Variants in DENND3 observed in about 807,000 individuals in gnomAD.
The protein encoded by DENND3 is DENN domain-containing protein 3.
Under a neutral mutation model 135.1 loss-of-function variants are expected in DENND3, and 88 were observed. The ratio of observed to expected loss-of-function variants is 0.65; its 90% CI spans 0.55 to 0.78. The LOEUF (loss-of-function observed/expected upper bound fraction) is 0.78, where lower values mean the gene tolerates loss of function less well. DENND3 is among the 30% of genes least tolerant of loss of function. The pLI, the probability that DENND3 is intolerant of heterozygous loss-of-function variation, is 0.00. For synonymous variants in DENND3, 693 were observed against 712.3 expected, an observed-to-expected ratio of 0.97 and a Z score of 0.43; for missense variants, 1,392 against 1,688.4, an observed-to-expected ratio of 0.82 and a Z score of 3.08.
intron 18 of DENND3, among the ~76,000 whole-genome samples, chr8:141,188,110 C>T (rs1046889369): frequency 8.2e-6 from 1 of 122,382 alleles, no homozygotes; most frequent in African/African-American, 3.2e-5. Context: ...GCTGTAGTCC[C>T]GGCTACTCGG....
Position 141,128,701 on chromosome 8 carries a change from G to C in DENND3, c.-7G>C. 1 of 1,386,872 alleles carries C rather than the reference G, an allele frequency of 7.2e-7. No homozygotes were observed. Among genetic ancestry groups the C allele is most frequent in the South Asian group, 1.6e-5 (1 of 63,622 alleles). The allele number at this position is 1,386,872 out of a possible 1,614,324, so 85.9% of individuals were successfully genotyped here. On this transcript the variant is annotated 5_prime_UTR_variant, in exon 1 of 23. Transcript: ENST00000519811. The surrounding 1 kb of genome is among the most constrained non-coding windows in gnomAD (Gnocchi z 4.5). The stretch of plus-strand genomic sequence containing the variant: ...AGTGCGGTACTGGCGGCGGGCGGCG[G>C]GCAGCCATGGCGGAGGCCGCGTCGC...
In DENND3 at chr8:141,141,511, T is replaced by C; in HGVS notation, c.623+187T>C. 1 of 470,460 alleles carries C rather than the reference T, an allele frequency of 2.1e-6. No individual in the cohort carries two copies. 29.1% of individuals were successfully genotyped at this position (470,460 alleles called of 1,614,324 possible). A position where few individuals can be genotyped will look rare whatever the true frequency, so the allele number is the denominator to read the frequency against. ...TCTCTGTGCCTCTTAGGCTGTTGCT[T>C]AAGGCTGGGGGCAGTGGGCAGGGGG... On this transcript the variant is annotated intron_variant, in intron 4 of 22. Transcript: ENST00000519811. This position sits in a 1 kb window ranked among gnomAD's most constrained non-coding sequence, Gnocchi z 5.3.
In DENND3 at chr8:141,185,211, T is replaced by C; in HGVS notation, c.3017T>C (p.Val1006Ala). 2 of 1,614,120 alleles carry C rather than the reference T, an allele frequency of 1.2e-6. No individual in the cohort carries two copies. Among genetic ancestry groups the C allele is most frequent in the Non-Finnish European group, 1.7e-6 (2 of 1,180,050 alleles). The change falls in exon 18 of 23, where the codon GTG (valine) becomes GCG (alanine). Residue 1006 changes from valine to alanine, a missense_variant. Coordinates refer to ENST00000519811, the MANE Select transcript of DENND3 (RefSeq NM_001352890.3). ...KLWCALSEGK[V>A]TVFNASSWTI... The stretch of plus-strand genomic sequence containing the variant: ...TGGTGTGCTCTGAGCGAAGGCAAGG[T>C]GACCGTGTTCAATGCTTCTTCATGG...
At chr8:141,193,018 T>A (rs1589734000) in intron 22 of DENND3, 1 of 716,396 alleles carries the variant, frequency 1.4e-6, no homozygotes, top group Non-Finnish European at 1.9e-6. Context: ...GGCCCTTCTC[T>A]CCCCCACCCG....
At chr8:141,158,840 C>T (rs577239089) in intron 8 of DENND3, among the ~76,000 whole-genome samples, 146 of 152,278 alleles carry the variant, frequency 9.6e-4, no homozygotes, top group African/African-American at 3.2e-3. Flanking sequence ...ATGCTGGCTG[C>T]GTGCTTGGGT....
At chr8:141,192,216 C>T (rs1391061773) in intron 20 of DENND3, 115 bp from the exon 21 acceptor site, 35 of 1,433,002 alleles carry the variant, frequency 2.4e-5, no homozygotes, top group Middle Eastern at 2.3e-4. Context: ...CCAGGTGGCA[C>T]GTGGTGATCC....
rs1340804487 is a variant in DENND3 at position 141,195,127 on chromosome 8, CG to C, written c.*895del. 1 of 152,222 alleles carries C rather than the reference CG, an allele frequency of 6.6e-6. No homozygotes were observed. Among genetic ancestry groups the C allele is most frequent in the African/African-American group, 2.4e-5 (1 of 41,432 alleles). 9.4% of individuals were successfully genotyped at this position (152,222 alleles called of 1,614,324 possible). ...CGTGTGCACACTGCGTATGTGTACG[CG>C]CAGCATGCTATACTGAACTCAACAA... On this transcript the variant is annotated 3_prime_UTR_variant, in exon 23 of 23. Transcript: ENST00000519811.
chr8:141,144,021 T>G lies in DENND3; in HGVS notation c.624-127T>G, dbSNP rs1817760445. 5.3e-6 allele frequency: 4 copies of G among 759,540 alleles called. No individual in the cohort carries two copies. Among genetic ancestry groups the G allele is most frequent in the Non-Finnish European group, 8.2e-6 (4 of 486,420 alleles). 47.1% of individuals were successfully genotyped at this position (759,540 alleles called of 1,614,324 possible). Reference sequence around the variant, plus strand: ...ACCCAGCAGCTTGGTGACTTTGCTTTTGGTGAAAGGTCCTGGAGCTGCTGC... The same window carrying G: ...ACCCAGCAGCTTGGTGACTTTGCTTGTGGTGAAAGGTCCTGGAGCTGCTGC... On this transcript the variant is annotated intron_variant, in intron 4 of 22. Coordinates refer to ENST00000519811, the MANE Select transcript of DENND3 (RefSeq NM_001352890.3). This position sits in a 1 kb window ranked among gnomAD's most constrained non-coding sequence, Gnocchi z 4.4.
At chr8:141,151,034 G>T (rs539170203) in intron 6 of DENND3, 81 bp downstream of exon 6, 1 of 1,435,832 alleles carries the variant, frequency 7.0e-7, no homozygotes, top group South Asian at 1.6e-5. Context: ...AGATGATGAA[G>T]ATGCGAGTTT....
chr8:141,152,230 A>G (rs970061363), intron 7 of DENND3, among the ~76,000 whole-genome samples: 5 of 152,244 alleles, frequency 3.3e-5, no homozygotes, highest in African/African-American at 1.2e-4. Flanking sequence ...CAGGAGGTGG[A>G]CTGGGTTTGG....
intron 20 of DENND3, 92 bp from the exon 21 acceptor site, chr8:141,192,239 C>T (rs1358404967): frequency 2.7e-5 from 42 of 1,537,098 alleles, no homozygotes; most frequent in South Asian, 2.2e-4. Flanking sequence ...CCCATCACCA[C>T]GCTGGAAAGA....
At chr8:141,177,925 A>G in intron 15 of DENND3, 142 bp from the exon 16 acceptor site, 1 of 1,081,646 alleles carries the variant, frequency 9.2e-7, no homozygotes, top group Non-Finnish European at 1.3e-6. Flanking sequence ...CATAAAATCC[A>G]AATTCATCCG....
At chr8:141,155,506 G>A (rs1819329518) in intron 7 of DENND3, among the ~76,000 whole-genome samples, 1 of 151,740 alleles carries the variant, frequency 6.6e-6, no homozygotes, top group Non-Finnish European at 1.5e-5. Flanking sequence ...TGGGCTCAAG[G>A]GATCCTCCTG....
chr8:141,164,088 G>A (rs1042808531), intron 10 of DENND3, among the ~76,000 whole-genome samples: 1 of 152,138 alleles, frequency 6.6e-6, no homozygotes, highest in Non-Finnish European at 1.5e-5. Context: ...CTACCTGTGT[G>A]CATCCCCGTA....
chr8:141,189,384 C>T (rs1824381748), intron 19 of DENND3, among the ~76,000 whole-genome samples: 1 of 152,276 alleles, frequency 6.6e-6, no homozygotes, highest in Non-Finnish European at 1.5e-5. Context: ...ACCCGGCCTT[C>T]CTGCTGAGCT....
chr8:141,180,787 G>A lies in DENND3; in HGVS notation c.2877G>A (p.Lys959=), dbSNP rs199977412. 5.4e-5 allele frequency: 87 copies of A among 1,613,660 alleles called. 1 individual carries two copies. The Admixed American group carries it at 9.5e-4, about 18-fold the overall frequency. Residue 959 remains lysine, a synonymous_variant, in exon 17 of 23, where the codon AAG becomes AAA. Transcript: ENST00000519811. ...CGGAGACAACCCTGGAAACACTGAA[G>A]CATAAAATCAACCCCTCGGCGGGGG... is the stretch of plus-strand genomic sequence containing the variant. The part of the protein sequence containing the change: ...TLPETTLETL[K]HKINPSAGEA...
At position 141,138,065 on chromosome 8, in the gene DENND3, C is replaced by T. The variant is rs1227062376; in HGVS notation, c.429C>T (p.His143=). 6.2e-7 allele frequency: 1 copy of T among 1,609,678 alleles called. No individual in the cohort carries two copies. Among genetic ancestry groups the T allele is most frequent in the Non-Finnish European group, 8.5e-7 (1 of 1,177,856 alleles). Residue 143 remains histidine, a synonymous_variant, in exon 3 of 23, where the codon CAC becomes CAT. Coordinates refer to ENST00000519811, the MANE Select transcript of DENND3 (RefSeq NM_001352890.3). The surrounding 1 kb of genome is among the most constrained non-coding windows in gnomAD (Gnocchi z 4.8). ...CTGAACCTAAGGAGGATTGCGTCCA[C>T]TTCCTGGTGCTGACCGATGTCTGCG... ...VATEPKEDCV[H]FLVLTDVCGN...
intron 18 of DENND3, 46 bp from the exon 19 acceptor site, chr8:141,188,940 G>C: frequency 6.2e-7 from 1 of 1,600,368 alleles, no homozygotes; most frequent in South Asian, 1.1e-5. Flanking sequence ...GACTTCACCA[G>C]TATCGAGACT....
At chr8:141,193,903 G>T in intron 22 of DENND3, 130 bp from the exon 23 acceptor site, 1 of 1,054,850 alleles carries the variant, frequency 9.5e-7, no homozygotes, top group Non-Finnish European at 1.4e-6. Context: ...ACCCTCAGGC[G>T]GCAGAGGCCC....
Sources: gnomAD v4.1 joint callset for allele counts (sites outside exome capture counted in the v4.1 genomes callset) on GRCh38, gnomAD v4.1.1 for gene constraint, Gnocchi (gnomAD v3.1) non-coding constraint, MANE v1.5 for transcripts, NCBI Gene and HGNC (gene_info 2026-07-23, HGNC 2026-07-21) for gene names.